BEGAIN: variants seen among roughly 807,000 people sequenced by gnomAD.
The protein encoded by BEGAIN is brain enriched guanylate kinase associated.
BEGAIN carries 19 observed loss-of-function variants against 35.8 expected under a neutral mutation model. The ratio of observed to expected loss-of-function variants is 0.53; its 90% CI spans 0.37 to 0.78. The LOEUF is 0.78. Ranked by LOEUF, BEGAIN falls within the 30% of genes least tolerant of loss-of-function variation. BEGAIN has a pLI of 0.00. For missense variants in BEGAIN, 795 were observed against 853.6 expected (o/e 0.93, Z 0.85); for synonymous variants, 462 against 388.6 (o/e 1.19, Z -2.22).
intron 2 of BEGAIN, among the ~76,000 whole-genome samples, chr14:100,557,202 GCCT>G (rs2033828420): frequency 6.6e-6 from 1 of 152,224 alleles, no homozygotes; most frequent in African/African-American, 2.4e-5. Context: ...GGCTCTGCCA[GCCT>G]CTTCCAGCCA....
rs889495701 is a variant in BEGAIN at position 100,537,153 on chromosome 14, C to T, written c.*816G>A. 6.6e-6 allele frequency: 1 copy of T among 152,574 alleles called. No homozygotes were observed. The highest frequency in any genetic ancestry group is 1.5e-5 in the Non-Finnish European group (1 of 68,080). 9.5% of individuals were successfully genotyped at this position (152,574 alleles called of 1,614,324 possible). ...AGAAACAGCCCAACCCAGATTCTTT[C>T]CACCGGTGTCTTTTATTAATGAATG... On this transcript the variant is annotated 3_prime_UTR_variant, in exon 7 of 7. Transcript: ENST00000554140.
chr14:100,563,447 C>T lies in BEGAIN; in HGVS notation c.71+4464G>A, dbSNP rs1020885681. ...GTTCATAGAAGGACCGTGTGAACAG[C>T]GAGACGCGGCGTCCCCCAGGAGGTG... On this transcript the variant is annotated intron_variant, in intron 2 of 6. Transcript: ENST00000554140. The surrounding 1 kb of genome is among the most constrained non-coding windows in gnomAD (Gnocchi z 4.2). Among the ~76,000 whole-genome samples, 2 of 152,216 alleles carry T rather than the reference C, an allele frequency of 1.3e-5. No individual in the cohort carries two copies. Among genetic ancestry groups the T allele is most frequent in the Non-Finnish European group, 2.9e-5 (2 of 68,040 alleles).
intron 2 of BEGAIN, among the ~76,000 whole-genome samples, chr14:100,554,395 G>A (rs1009882378): frequency 3.9e-5 from 6 of 152,254 alleles, no homozygotes; most frequent in East Asian, 1.9e-4. Context: ...TTCCCTCTTC[G>A]GTCGTGGCTC....
At chr14:100,561,248 C>T (rs1191848167) in intron 2 of BEGAIN, among the ~76,000 whole-genome samples, 27 of 152,192 alleles carry the variant, frequency 1.8e-4, no homozygotes, top group Admixed American at 1.7e-3. Context: ...CTCTCCTTCA[C>T]GGGAATGATG....
At chr14:100,581,182 C>CA (rs1467162112) in intron 1 of BEGAIN, among the ~76,000 whole-genome samples, 1 of 152,196 alleles carries the variant, frequency 6.6e-6, no homozygotes, top group Admixed American at 6.5e-5. Context: ...TGGGAAGTGG[C>CA]ATGAGCAAGG....
At chr14:100,550,212 C>A (rs544341230) in intron 2 of BEGAIN, among the ~76,000 whole-genome samples, 2 of 152,246 alleles carry the variant, frequency 1.3e-5, no homozygotes, top group African/African-American at 4.8e-5. Flanking sequence ...CCCCTTCTGG[C>A]CACTTGCAGG....
At position 100,543,940 on chromosome 14, in the gene BEGAIN, C is replaced by T. The variant is rs370278891; in HGVS notation, c.326G>A (p.Arg109His). ...GGCAACAATCTCGTGGCTCAGCGCA[C>T]GCTTCTCCTCCTCATAGTGCTGGCC... ...RMGQHYEEEK[R>H]ALSHEIVALN... Residue 109 changes from arginine (R) to histidine (H), a missense_variant, in exon 5 of 7, where the codon CGT becomes CAT. By Grantham distance (29) the Arg-to-His change is conservative. Around this residue, in one of 3 missense-constraint regions of BEGAIN, gnomAD observed 73 missense variants for 143.2 expected, o/e 0.51. Transcript: ENST00000554140. 1.2e-5 allele frequency: 20 copies of T among 1,611,974 alleles called. No homozygotes were observed. Among genetic ancestry groups the T allele is most frequent in the African/African-American group, 2.7e-5 (2 of 74,892 alleles).
rs997538689 is a variant in BEGAIN, at chr14:100,538,034, C to T, written c.1774G>A (p.Gly592Ser). 62 of 1,608,292 alleles carry T rather than the reference C, an allele frequency of 3.9e-5. No individual in the cohort carries two copies. Among genetic ancestry groups the T allele is most frequent in the Non-Finnish European group, 5.3e-5 (62 of 1,178,376 alleles). ...CTGTCCTTGCGGCTCAGCCCCGAGC[C>T]ACCAGTCCGCGGAAAGGCCTGCTGG... is the stretch of plus-strand genomic sequence containing the variant. The part of the protein sequence containing the change: ...SPQQAFPRTG[G>S]SGLSRKDSLT... Residue 592 changes from glycine to serine, a missense_variant, in exon 7 of 7, where the codon GGC becomes AGC. Coordinates refer to ENST00000554140, the MANE Select transcript of BEGAIN (RefSeq NM_001385089.1).
At position 100,538,836 on chromosome 14, in the gene BEGAIN, G is replaced by T; in HGVS notation, c.972C>A (p.Ala324=). 6.2e-7 allele frequency: 1 copy of T among 1,606,088 alleles called. No individual in the cohort carries two copies. Among genetic ancestry groups the T allele is most frequent in the Non-Finnish European group, 8.5e-7 (1 of 1,177,940 alleles). The change falls in exon 7 of 7, where the codon GCC becomes GCA. Residue 324 remains alanine, a synonymous_variant. Transcript: ENST00000554140. ...GCGCGTGCTCCTTCTCCTCCGACGT[G>T]GCGCTGAAGCTGGAGTAGGAGCTGG... is the stretch of plus-strand genomic sequence containing the variant. The part of the protein sequence containing the change: ...PTSSSYSSFS[A]TSEEKEHAQA...
intron 2 of BEGAIN, among the ~76,000 whole-genome samples, chr14:100,555,072 C>T (rs559453349): frequency 1.2e-4 from 18 of 152,366 alleles, no homozygotes; most frequent in African/African-American, 3.6e-4. Flanking sequence ...GCTCGGACCT[C>T]GCCTGGTCTT....
intron 4 of BEGAIN, among the ~76,000 whole-genome samples, chr14:100,544,746 C>T (rs561462826): frequency 8.5e-5 from 13 of 152,284 alleles, no homozygotes; most frequent in Admixed American, 2.6e-4. Flanking sequence ...GTATGTCCTC[C>T]GTCCACAGCC....
At chr14:100,545,355 C>T in intron 3 of BEGAIN, 3 of 1,273,208 alleles carry the variant, frequency 2.4e-6, no homozygotes, top group Non-Finnish European at 3.0e-6. Context: ...ACAAGAGACT[C>T]TGTCCCATCC....
chr14:100,579,141 G>GTGA (rs1393406706), intron 1 of BEGAIN, among the ~76,000 whole-genome samples: 1 of 152,210 alleles, frequency 6.6e-6, no homozygotes, highest in Non-Finnish European at 1.5e-5. Context: ...GATTATAGGC[G>GTGA]TGAGCCACTG....
Position 100,568,143 on chromosome 14 carries a change from G to A in BEGAIN, c.43-204C>T. 4.1e-6 allele frequency: 4 copies of A among 977,270 alleles called. No homozygotes were observed. The highest frequency in any genetic ancestry group is 4.9e-6 in the Non-Finnish European group (4 of 817,202). 60.5% of individuals were successfully genotyped at this position (977,270 alleles called of 1,614,324 possible). A position where few individuals can be genotyped will look rare whatever the true frequency, so the allele number is the denominator to read the frequency against. ...CGCGCCGGGCCGCGGCCGAGTAACA[G>A]GTGAGCCCGCCCGGGCCGCCGCGCT... On this transcript the variant is annotated intron_variant, in intron 1 of 6. Coordinates refer to ENST00000554140, the MANE Select transcript of BEGAIN (RefSeq NM_001385089.1). This position sits in a 1 kb window ranked among gnomAD's most constrained non-coding sequence, Gnocchi z 7.5.
At chr14:100,569,842 G>C (rs2035014503) in intron 1 of BEGAIN, 1 of 154,500 alleles carries the variant, frequency 6.5e-6, no homozygotes, top group East Asian at 1.9e-4. Context: ...GGGCTAATGA[G>C]GAAAACCCCC....
At chr14:100,564,154 G>A (rs1209526133) in intron 2 of BEGAIN, among the ~76,000 whole-genome samples, 1 of 152,036 alleles carries the variant, frequency 6.6e-6, no homozygotes, top group Non-Finnish European at 1.5e-5. Flanking sequence ...AAGGGTCTCG[G>A]GGGATCTCGG....
chr14:100,541,888 A>G (rs2140465478), intron 5 of BEGAIN, among the ~76,000 whole-genome samples: 1 of 152,346 alleles, frequency 6.6e-6, no homozygotes, highest in East Asian at 1.9e-4. Flanking sequence ...CAGAGCGAAC[A>G]GGTGGAGGCA....
intron 5 of BEGAIN, among the ~76,000 whole-genome samples, chr14:100,541,036 G>A (rs924759087): frequency 3.3e-5 from 5 of 152,198 alleles, no homozygotes; most frequent in East Asian, 3.9e-4. Flanking sequence ...CTTCCACCCC[G>A]CACTTCAGAC....
intron 2 of BEGAIN, among the ~76,000 whole-genome samples, chr14:100,564,359 G>C (rs1034490513): frequency 3.3e-5 from 5 of 151,946 alleles, no homozygotes; most frequent in African/African-American, 1.2e-4. Context: ...GGAGCCATGA[G>C]AGGCGACTGA....
Sources: gnomAD v4.1 joint callset for allele counts (sites outside exome capture counted in the v4.1 genomes callset) on GRCh38, gnomAD v4.1.1 for gene constraint, gnomAD v4.1.1 regional missense constraint, Gnocchi (gnomAD v3.1) non-coding constraint, MANE v1.5 for transcripts, NCBI Gene and HGNC (gene_info 2026-07-23, HGNC 2026-07-21) for gene names.